Variants in CEP192 observed in about 807,000 individuals in gnomAD.
CEP192 encodes centrosomal protein 192.
Under a neutral mutation model 271.8 loss-of-function variants are expected in CEP192, and 151 were observed. The observed-to-expected ratio is 0.56, with a 90% CI of 0.49 to 0.64. The LOEUF (loss-of-function observed/expected upper bound fraction) is 0.64, where lower values mean the gene tolerates loss of function less well. Among genes scored for constraint, CEP192 ranks in the 30% least tolerant of loss-of-function variants. The pLI is 0.00. For synonymous variants in CEP192, 995 were observed against 1,076.5 expected (o/e 0.92, Z 1.48); for missense variants, 2,910 against 3,020.5 (o/e 0.96, Z 0.86).
intron 30 of CEP192, among the ~76,000 whole-genome samples, chr18:13,083,096 G>A (rs139601453): frequency 6.6e-6 from 1 of 152,242 alleles, no homozygotes; most frequent in East Asian, 1.9e-4. Flanking sequence ...ACAATTATGT[G>A]CCTTGGGGTT....
chr18:13,097,497 G>A (rs774244727), intron 36 of CEP192, among the ~76,000 whole-genome samples: 5 of 151,596 alleles, frequency 3.3e-5, no homozygotes, highest in East Asian at 1.9e-4. Flanking sequence ...CATTCTCCCC[G>A]TGCTGTACTT....
chr18:13,115,600 A>G (rs938060257), intron 42 of CEP192, among the ~76,000 whole-genome samples: 2 of 152,146 alleles, frequency 1.3e-5, no homozygotes, highest in African/African-American at 2.4e-5. Flanking sequence ...GTCCAGGAGT[A>G]AAATAGTGTC....
chr18:13,038,803 G>C (rs186509285), intron 13 of CEP192, among the ~76,000 whole-genome samples: 1 of 152,080 alleles, frequency 6.6e-6, no homozygotes, highest in African/African-American at 2.4e-5. Context: ...TGAATTTCCC[G>C]TTTCTTAACA....
intron 3 of CEP192, among the ~76,000 whole-genome samples, chr18:13,004,058 T>C (rs1465540271): frequency 6.6e-6 from 1 of 152,162 alleles, no homozygotes; most frequent in Non-Finnish European, 1.5e-5. Flanking sequence ...CCTAACTATG[T>C]CAAATAAAAT....
At chr18:13,110,272 C>T (rs57636234) in intron 40 of CEP192, among the ~76,000 whole-genome samples, 6,609 of 152,142 alleles carry the variant, frequency 0.043, 213 homozygotes, top group East Asian at 0.14. Context: ...AATAATCAAA[C>T]GATCTTGAAA....
intron 44 of CEP192, among the ~76,000 whole-genome samples, chr18:13,123,818 T>A (rs2033594636): frequency 6.6e-6 from 1 of 152,212 alleles, no homozygotes; most frequent in Non-Finnish European, 1.5e-5. Flanking sequence ...ACTTGTTACC[T>A]GCCTCTATAT....
Position 13,114,247 on chromosome 18 carries a change from C to T in CEP192, c.7285C>T (p.Pro2429Ser). ...TGTGTCAGAGGCTTCTGCTCGCATA[C>T]CTGAGTATGTTGTTTTTGTCATTCT... ...QAVSEASARI[P>S]EQLDVTARGV... is the part of the protein sequence containing the mutation. Residue 2429 changes from proline to serine, a missense_variant, in exon 42 of 45, where the codon CCT (proline) becomes TCT (serine). Physicochemically the swap from Pro to Ser is moderately conservative, Grantham distance 74. Transcript: ENST00000506447. The T allele has an allele frequency of 6.2e-7, 1 of 1,612,200 alleles. No homozygotes were observed. The highest frequency in any genetic ancestry group is 8.5e-7 in the Non-Finnish European group (1 of 1,179,574).
chr18:13,019,198 C>T lies in CEP192; in HGVS notation c.1042C>T (p.Leu348Phe). 1 of 1,524,936 alleles carries T rather than the reference C, an allele frequency of 6.6e-7. No homozygotes were observed. Among genetic ancestry groups the T allele is most frequent in the African/African-American group, 1.4e-5 (1 of 71,168 alleles). The allele number at this position is 1,524,936 out of a possible 1,614,324, so 94.5% of individuals were successfully genotyped here. The stretch of plus-strand genomic sequence containing the variant: ...AAATTTGAAGGGTATTGTTCCAGAT[C>T]TTAACAGTGTAAGTTATGCATTTTT... ...IENLKGIVPD[L>F]NSECASKDVL... Residue 348 changes from leucine (L) to phenylalanine (F), a missense_variant, in exon 9 of 45, where the codon CTT becomes TTT. Physicochemically the swap from Leu to Phe is conservative, Grantham distance 22 (BLOSUM62 0). Transcript: ENST00000506447.
intron 30 of CEP192, among the ~76,000 whole-genome samples, chr18:13,077,689 T>G (rs1752194125): frequency 6.6e-6 from 1 of 152,186 alleles, no homozygotes; most frequent in Non-Finnish European, 1.5e-5. Context: ...GTTGTTTGAG[T>G]TCTTATCTTT....
intron 32 of CEP192, among the ~76,000 whole-genome samples, chr18:13,088,119 A>G (rs1377395604): frequency 2.6e-5 from 4 of 152,268 alleles, no homozygotes; most frequent in Admixed American, 2.6e-4. Context: ...TTTAACTTGT[A>G]GATACTTAAA....
intron 9 of CEP192, among the ~76,000 whole-genome samples, chr18:13,022,564 A>G (rs2035053720): frequency 6.6e-6 from 1 of 151,974 alleles, no homozygotes; most frequent in Non-Finnish European, 1.5e-5. Context: ...TATTTTTAGT[A>G]GAGATGAGGT....
chr18:13,030,533 T>G lies in CEP192; in HGVS notation c.1459T>G (p.Tyr487Asp), dbSNP rs569656594. Residue 487 changes from tyrosine to aspartate, a missense_variant, in exon 11 of 45, where the codon TAC becomes GAC. Physicochemically the swap from Tyr to Asp is radical, Grantham distance 160. Coordinates refer to ENST00000506447, the MANE Select transcript of CEP192 (RefSeq NM_032142.4). ...TAGGTGGGTCACAGACCTTGCCTAT[T>G]ACACATCTTTTAATAGCAAACAAAA... Reference protein sequence around the residue: ...EGRWVTDLAYYTSFNSKQNLN... With the variant: ...EGRWVTDLAYDTSFNSKQNLN... 5.4e-4 allele frequency: 871 copies of G among 1,612,046 alleles called. 1 individual carries two copies. Among genetic ancestry groups the G allele is most frequent in the Non-Finnish European group, 7.2e-4 (848 of 1,178,464 alleles).
At chr18:13,055,002 G>A (rs1179541439) in intron 18 of CEP192, among the ~76,000 whole-genome samples, 4 of 152,198 alleles carry the variant, frequency 2.6e-5, no homozygotes, top group African/African-American at 7.2e-5. Flanking sequence ...CTTTGGCCGG[G>A]TGTGGTGGCT....
chr18:13,010,078 C>T (rs1432837590), intron 4 of CEP192, among the ~76,000 whole-genome samples: 1 of 151,624 alleles, frequency 6.6e-6, no homozygotes. Context: ...ATTGCTTAAG[C>T]CCAGGCGGTC....
At chr18:13,106,582 A>G (rs1457599619) in intron 40 of CEP192, among the ~76,000 whole-genome samples, 2 of 146,636 alleles carry the variant, frequency 1.4e-5, no homozygotes, top group East Asian at 4.0e-4. Flanking sequence ...CACCCCACAC[A>G]GCTACCACCA....
intron 30 of CEP192, among the ~76,000 whole-genome samples, chr18:13,084,071 G>A (rs1008063081): frequency 3.3e-5 from 5 of 152,136 alleles, no homozygotes; most frequent in Non-Finnish European, 7.3e-5. Flanking sequence ...TAGGCTACAC[G>A]GGGGTCAGGG....
At chr18:13,097,775 G>A (rs979615079) in intron 36 of CEP192, among the ~76,000 whole-genome samples, 2 of 150,636 alleles carry the variant, frequency 1.3e-5, no homozygotes, top group African/African-American at 4.9e-5. Context: ...GGTTTTCCTA[G>A]GCAGAGGACC....
At chr18:13,049,950 A>AC in intron 17 of CEP192, 59 bp downstream of exon 17, 1 of 1,267,408 alleles carries the variant, frequency 7.9e-7, no homozygotes, top group African/African-American at 3.5e-5. Context: ...AGGAACTGGG[A>AC]AAAAAATGTG....
chr18:13,024,998 C>T (rs1214863189), intron 9 of CEP192, among the ~76,000 whole-genome samples: 1 of 151,560 alleles, frequency 6.6e-6, no homozygotes. Context: ...TCTCGAACTC[C>T]TGACCTCAAG....
Sources: gnomAD v4.1 joint callset for allele counts (sites outside exome capture counted in the v4.1 genomes callset) on GRCh38, gnomAD v4.1.1 for gene constraint, MANE v1.5 for transcripts, NCBI Gene and HGNC (gene_info 2026-07-23, HGNC 2026-07-21) for gene names.